The following FRS2 variants were observed in gnomAD, a reference collection of about 807,000 sequenced individuals.
FRS2 encodes the protein fibroblast growth factor receptor substrate 2.
In FRS2, 8 loss-of-function variants were observed where a neutral mutation model predicts 43.9. The observed-to-expected ratio is 0.18, with a 90% CI of 0.11 to 0.33. FRS2 has a LOEUF of 0.33. Ranked by LOEUF, FRS2 falls within the 10% of genes least tolerant of loss-of-function variation. The pLI, the probability that FRS2 is intolerant of heterozygous loss-of-function variation, is 1.00. For missense variants in FRS2, 534 were observed against 627.6 expected, an observed-to-expected ratio of 0.85 and a Z score of 1.59; for synonymous variants, 219 against 220.3, an observed-to-expected ratio of 0.99 and a Z score of 0.05.
At chr12:69,559,147 A>G (rs1017810104) in intron 3 of FRS2, among the ~76,000 whole-genome samples, 1 of 152,192 alleles carries the variant, frequency 6.6e-6, no homozygotes, top group Non-Finnish European at 1.5e-5. Flanking sequence ...CTTAAAAGAA[A>G]TGCCACTTTA....
At chr12:69,514,284 A>G (rs1193460666) in intron 1 of FRS2, among the ~76,000 whole-genome samples, 2 of 152,182 alleles carry the variant, frequency 1.3e-5, no homozygotes, top group Admixed American at 6.5e-5. Flanking sequence ...TGCCAGTACC[A>G]TCTAGAGACA....
intron 1 of FRS2, among the ~76,000 whole-genome samples, chr12:69,492,017 A>G (rs1857442724): frequency 6.6e-6 from 1 of 152,178 alleles, no homozygotes; most frequent in South Asian, 2.1e-4. Flanking sequence ...GTTTGGTTAT[A>G]TGCTGTTTAT....
At chr12:69,509,504 T>G (rs1874263785) in intron 1 of FRS2, among the ~76,000 whole-genome samples, 4 of 152,210 alleles carry the variant, frequency 2.6e-5, no homozygotes, top group Admixed American at 2.6e-4. Context: ...TGGTATTAAG[T>G]ACATTAGTGT....
At chr12:69,518,647 G>A (rs1255108638) in intron 1 of FRS2, among the ~76,000 whole-genome samples, 3 of 151,768 alleles carry the variant, frequency 2.0e-5, no homozygotes, top group Non-Finnish European at 2.9e-5. Context: ...CCAGGAAGTC[G>A]AGGCTGCAGT....
chr12:69,524,048 G>A (rs1875953564), intron 1 of FRS2, among the ~76,000 whole-genome samples: 1 of 152,224 alleles, frequency 6.6e-6, no homozygotes, highest in South Asian at 2.1e-4. Context: ...GCAGGCATTT[G>A]CAGCAGCTGG....
chr12:69,520,133 T>C (rs1026199940), intron 1 of FRS2, among the ~76,000 whole-genome samples: 1 of 152,226 alleles, frequency 6.6e-6, no homozygotes, highest in Non-Finnish European at 1.5e-5. Context: ...CATTGTGGTT[T>C]TGATTTGCAT....
Position 69,574,097 on chromosome 12 carries a change from T to C in FRS2, c.669T>C (p.Ala223=). The change falls in exon 9 of 9, where the codon GCT becomes GCC. Residue 223 remains alanine (A), a synonymous_variant. Coordinates refer to ENST00000549921, the MANE Select transcript of FRS2 (RefSeq NM_001278356.2). ...CATTGGAGGCGAGGGTTTCTAACGC[T>C]GAAAGCAGCACACCAAAAGAAGAAC... The part of the protein sequence containing the change: ...HVPLEARVSN[A]ESSTPKEEPS... 6.2e-7 allele frequency: 1 copy of C among 1,614,194 alleles called. No individual in the cohort carries two copies. Among genetic ancestry groups the C allele is most frequent in the Admixed American group, 1.7e-5 (1 of 60,030 alleles).
rs541934715 is a variant in FRS2 at position 69,571,401 on chromosome 12, T to C, written c.379T>C (p.Leu127=). The change falls in exon 7 of 9, where the codon TTG becomes CTG. Residue 127 remains leucine, a synonymous_variant. Transcript: ENST00000549921. ...AGAAAGAAATAATCATCAGACAGAA[T>C]TGGAAGTCCCTAGAACACCTCGAAC... The part of the protein sequence containing the change: ...VVERNNHQTE[L]EVPRTPRTPT... 30 of 1,612,984 alleles carry C rather than the reference T, an allele frequency of 1.9e-5. No homozygotes were observed. The highest frequency in any genetic ancestry group is 2.5e-5 in the Non-Finnish European group (30 of 1,179,478).
At chr12:69,497,095 C>T (rs1274247893) in intron 1 of FRS2, among the ~76,000 whole-genome samples, 1 of 152,128 alleles carries the variant, frequency 6.6e-6, no homozygotes, top group Non-Finnish European at 1.5e-5. Context: ...ACTATTGGGC[C>T]CTGTTGTCTG....
intron 3 of FRS2, among the ~76,000 whole-genome samples, chr12:69,558,459 A>T (rs1879616933): frequency 6.6e-6 from 1 of 152,148 alleles, no homozygotes; most frequent in African/African-American, 2.4e-5. Context: ...CTTCTTTCCT[A>T]CCTATCTCCT....
chr12:69,526,057 C>T (rs768706035), intron 1 of FRS2, among the ~76,000 whole-genome samples: 23 of 152,056 alleles, frequency 1.5e-4, no homozygotes, highest in Non-Finnish European at 2.5e-4. Context: ...CGGGTTTCAC[C>T]ATGTTTATCA....
intron 3 of FRS2, chr12:69,557,642 G>A (rs1031489997): frequency 6.8e-6 from 1 of 146,234 alleles, no homozygotes; most frequent in Non-Finnish European, 1.5e-5. Context: ...GCGCGCAGGT[G>A]CATGCACGCT....
chr12:69,477,195 T>A (rs760547219), intron 1 of FRS2, among the ~76,000 whole-genome samples: 1 of 151,934 alleles, frequency 6.6e-6, no homozygotes. Context: ...TTGATGCCTG[T>A]AGGGTTTTAT....
chr12:69,489,482 C>T (rs960366179), intron 1 of FRS2, among the ~76,000 whole-genome samples: 4 of 152,118 alleles, frequency 2.6e-5, no homozygotes, highest in African/African-American at 9.6e-5. Context: ...CCAGCCTGGG[C>T]AACATGGTGA....
At chr12:69,475,440 G>A (rs1565709594) in intron 1 of FRS2, among the ~76,000 whole-genome samples, 1 of 152,114 alleles carries the variant, frequency 6.6e-6, no homozygotes, top group Non-Finnish European at 1.5e-5. Flanking sequence ...AAGGTCAGGA[G>A]TTCCATTTAG....
chr12:69,525,292 C>T (rs1876102999), intron 1 of FRS2, among the ~76,000 whole-genome samples: 1 of 151,340 alleles, frequency 6.6e-6, no homozygotes, highest in Non-Finnish European at 1.5e-5. Context: ...ATGCATTATT[C>T]ATACTGTTTG....
intron 1 of FRS2, among the ~76,000 whole-genome samples, chr12:69,473,952 C>T (rs942076430): frequency 1.3e-5 from 2 of 152,116 alleles, no homozygotes; most frequent in Non-Finnish European, 2.9e-5. Context: ...AAGTGATTGT[C>T]CTGCTTCATC....
chr12:69,549,088 A>T (rs1484756215), intron 3 of FRS2, among the ~76,000 whole-genome samples: 1 of 152,252 alleles, frequency 6.6e-6, no homozygotes, highest in Admixed American at 6.5e-5. Context: ...AATGAAGAAC[A>T]TAATTATTTA....
intron 1 of FRS2, among the ~76,000 whole-genome samples, chr12:69,530,562 G>A (rs1490072615): frequency 6.6e-6 from 1 of 152,122 alleles, no homozygotes; most frequent in Non-Finnish European, 1.5e-5. Context: ...AATGTAGTGA[G>A]ACCCTGTCTC....
Sources: gnomAD v4.1 joint callset for allele counts (sites outside exome capture counted in the v4.1 genomes callset) on GRCh38, gnomAD v4.1.1 for gene constraint, MANE v1.5 for transcripts, NCBI Gene and HGNC (gene_info 2026-07-23, HGNC 2026-07-21) for gene names.